Variants in ERBB4 observed in about 807,000 individuals in gnomAD.
ERBB4 encodes the protein receptor tyrosine-protein kinase erbB-4.
Under a neutral mutation model 158.0 loss-of-function variants are expected in ERBB4, and 42 were observed. The observed-to-expected ratio is 0.27, with a 90% CI of 0.21 to 0.34. The LOEUF is 0.34. Ranked by LOEUF, ERBB4 falls within the 10% of genes least tolerant of loss-of-function variation. The probability of loss-of-function intolerance (pLI) is 1.00; values close to 1 mark genes in which losing one functional copy is unlikely to be tolerated. For missense variants in ERBB4, 1,333 were observed against 1,624.1 expected (o/e 0.82, Z 3.08); for synonymous variants, 583 against 558.7 (o/e 1.04, Z -0.61).
At chr2:211,719,691 T>C (rs752294144) in intron 7 of ERBB4, among the ~76,000 whole-genome samples, 7 of 151,850 alleles carry the variant, frequency 4.6e-5, no homozygotes, top group Non-Finnish European at 7.4e-5. Flanking sequence ...CCGTCTCTAC[T>C]AAAAATCCAA....
chr2:212,060,995 TAAAA>T (rs2077746716), intron 2 of ERBB4, among the ~76,000 whole-genome samples: 1 of 144,464 alleles, frequency 6.9e-6, no homozygotes, highest in African/African-American at 2.6e-5. Context: ...ATAAATAAAA[TAAAA>T]AAGTAAATAA....
At chr2:211,471,390 C>G (rs1434505036) in intron 20 of ERBB4, among the ~76,000 whole-genome samples, 4 of 152,018 alleles carry the variant, frequency 2.6e-5, no homozygotes, top group Admixed American at 2.6e-4. Flanking sequence ...TGCTTCTCAT[C>G]AACAGGAAAC....
At chr2:211,610,777 C>T (rs2069164637) in intron 19 of ERBB4, among the ~76,000 whole-genome samples, 1 of 152,102 alleles carries the variant, frequency 6.6e-6, no homozygotes, top group African/African-American at 2.4e-5. Context: ...TTTCCATTTA[C>T]TAAATGCAAA....
At chr2:211,692,097 G>GT (rs1428959693) in intron 12 of ERBB4, among the ~76,000 whole-genome samples, 1 of 152,170 alleles carries the variant, frequency 6.6e-6, no homozygotes, top group East Asian at 1.9e-4. Flanking sequence ...CCCAAATAGC[G>GT]TCAATCTGTA....
intron 3 of ERBB4, among the ~76,000 whole-genome samples, chr2:211,858,519 T>G (rs1195069111): frequency 6.6e-6 from 1 of 152,212 alleles, no homozygotes; most frequent in Non-Finnish European, 1.5e-5. Context: ...AAATTCTCTA[T>G]TGAGTTAAAT....
chr2:212,514,727 C>T (rs1691726600), intron 1 of ERBB4, among the ~76,000 whole-genome samples: 1 of 152,160 alleles, frequency 6.6e-6, no homozygotes, highest in South Asian at 2.1e-4. Context: ...ATCTTCTGAA[C>T]CCGGGAGGCA....
chr2:212,399,911 G>A (rs374976023), intron 1 of ERBB4, among the ~76,000 whole-genome samples: 2 of 151,510 alleles, frequency 1.3e-5, no homozygotes, highest in South Asian at 2.1e-4. Context: ...AACAAAAAAC[G>A]AGCACAGTAT....
intron 1 of ERBB4, among the ~76,000 whole-genome samples, chr2:212,279,069 A>C (rs1042078120): frequency 6.6e-6 from 1 of 151,496 alleles, no homozygotes; most frequent in African/African-American, 2.4e-5. Flanking sequence ...TTTTACTGTA[A>C]ATTTGTGTGT....
intron 1 of ERBB4, among the ~76,000 whole-genome samples, chr2:212,517,034 A>G (rs1362237369): frequency 6.6e-6 from 1 of 152,102 alleles, no homozygotes; most frequent in Non-Finnish European, 1.5e-5. Context: ...AGTTTTCTAT[A>G]TTCTCTCCAC....
At chr2:212,528,685 T>G (rs1692581182) in intron 1 of ERBB4, among the ~76,000 whole-genome samples, 1 of 152,150 alleles carries the variant, frequency 6.6e-6, no homozygotes, top group African/African-American at 2.4e-5. Flanking sequence ...TGACAGTTCT[T>G]TAGAATCTGG....
In ERBB4 at chr2:211,936,282, G is replaced by T. The variant is rs184847304; in HGVS notation, c.421+11148C>A. ...AAGTCCTTCTATTTCATAGTAAATTGAAAATCAAAAATACCCTTTTTATAT... is the reference window on the plus strand; with the variant it reads ...AAGTCCTTCTATTTCATAGTAAATTTAAAATCAAAAATACCCTTTTTATAT... On this transcript the variant is annotated intron_variant, in intron 3 of 27. Transcript: ENST00000342788. Among the ~76,000 whole-genome samples the T allele has an allele frequency of 7.9e-4, 119 of 150,932 alleles. 1 individual carries two copies. The highest frequency in any genetic ancestry group is 2.8e-3 in the African/African-American group (114 of 41,184).
intron 16 of ERBB4, among the ~76,000 whole-genome samples, chr2:211,650,313 G>A (rs1417071793): frequency 2.0e-5 from 3 of 151,788 alleles, no homozygotes; most frequent in Non-Finnish European, 4.4e-5. Context: ...ATTAAAATAT[G>A]GGCTATAAAA....
intron 3 of ERBB4, among the ~76,000 whole-genome samples, chr2:211,896,117 C>T (rs922201745): frequency 1.3e-5 from 2 of 152,144 alleles, no homozygotes; most frequent in African/African-American, 4.8e-5. Flanking sequence ...TTTAAATACC[C>T]AGTGCACACA....
intron 25 of ERBB4, among the ~76,000 whole-genome samples, chr2:211,399,688 G>A (rs1475712425): frequency 1.3e-5 from 2 of 152,100 alleles, no homozygotes; most frequent in East Asian, 3.9e-4. Flanking sequence ...TTCTGAATGC[G>A]ATGAACATTT....
At chr2:212,411,603 G>A (rs754965223) in intron 1 of ERBB4, among the ~76,000 whole-genome samples, 2 of 152,044 alleles carry the variant, frequency 1.3e-5, no homozygotes, top group Non-Finnish European at 2.9e-5. Context: ...GATCATAGAG[G>A]AATAGAAAAG....
rs1400989888 is a variant in ERBB4 at position 212,024,233 on chromosome 2, C to T, written c.235-76617G>A. ...TATTATCTCAGCCCAGATGAAATGA[C>T]TGGCTCTTTCATTCTATACCTCTGT... On this transcript the variant is annotated intron_variant, in intron 2 of 27. Transcript: ENST00000342788. Among the ~76,000 whole-genome samples, 4 of 151,912 alleles carry T rather than the reference C, an allele frequency of 2.6e-5. No individual in the cohort carries two copies. In the East Asian group the frequency reaches 5.8e-4, roughly 22 times the overall value.
intron 1 of ERBB4, among the ~76,000 whole-genome samples, chr2:212,482,107 CT>C (rs1292435536): frequency 6.6e-6 from 1 of 152,332 alleles, no homozygotes; most frequent in South Asian, 2.1e-4. Context: ...AAATTTCAAA[CT>C]GTGTTGACAC....
At chr2:212,168,068 T>TA (rs10594490) in intron 1 of ERBB4, among the ~76,000 whole-genome samples, 1,691 of 149,584 alleles carry the variant, frequency 0.011, 15 homozygotes, top group Middle Eastern at 0.021. Flanking sequence ...AAATTAAAAT[T>TA]AAAAAAAAAA....
chr2:211,617,291 T>C (rs1191737609), intron 19 of ERBB4, among the ~76,000 whole-genome samples: 1 of 152,148 alleles, frequency 6.6e-6, no homozygotes, highest in Non-Finnish European at 1.5e-5. Flanking sequence ...AATTAACCTA[T>C]ACTGTTTCTA....
Sources: gnomAD v4.1 joint callset for allele counts (sites outside exome capture counted in the v4.1 genomes callset) on GRCh38, gnomAD v4.1.1 for gene constraint, MANE v1.5 for transcripts, NCBI Gene and HGNC (gene_info 2026-07-23, HGNC 2026-07-21) for gene names.